Variants in LGR5 observed in about 807,000 individuals in gnomAD.
The protein encoded by LGR5 is leucine rich repeat containing G protein-coupled receptor 5.
LGR5 carries 54 observed loss-of-function variants against 76.7 expected under a neutral mutation model. The observed-to-expected ratio is 0.70, with a 90% confidence interval of 0.57 to 0.88. The LOEUF (loss-of-function observed/expected upper bound fraction) is 0.88. Ranked by LOEUF, LGR5 falls within the 40% of genes least tolerant of loss-of-function variation. The pLI, the probability that LGR5 is intolerant of heterozygous loss-of-function variation, is 0.00. For synonymous variants in LGR5, 406 were observed against 421.9 expected (o/e 0.96, Z 0.46); for missense variants, 1,078 against 1,073.3 (o/e 1.00, Z -0.06).
intron 1 of LGR5, among the ~76,000 whole-genome samples, chr12:71,482,756 C>T (rs1036209209): frequency 1.3e-5 from 2 of 152,184 alleles, no homozygotes; most frequent in Admixed American, 1.3e-4. Context: ...CTCAAAATAT[C>T]AATAGTGTCA....
rs1000200685 is a variant in LGR5, at chr12:71,440,275, C to T, written c.195C>T (p.Ser65=). Residue 65 remains serine, a synonymous_variant, in exon 1 of 18, where the codon AGC becomes AGT. Coordinates refer to ENST00000266674, the MANE Select transcript of LGR5 (RefSeq NM_003667.4). The surrounding 1 kb of genome is among the most constrained non-coding windows in gnomAD (Gnocchi z 5.3). ...TCTCGGAGCTGCCTTCCAACCTCAG[C>T]GTCTTCACCTCCTACCTGTAAGTAC... The part of the protein sequence containing the change: ...LGLSELPSNL[S]VFTSYLDLSM... 28 of 1,611,764 alleles carry T rather than the reference C, an allele frequency of 1.7e-5. No individual in the cohort carries two copies. Among genetic ancestry groups the T allele is most frequent in the Non-Finnish European group, 2.2e-5 (26 of 1,179,948 alleles).
At chr12:71,496,046 C>T (rs115835217) in intron 1 of LGR5, among the ~76,000 whole-genome samples, 3,474 of 152,200 alleles carry the variant, frequency 0.023, 134 homozygotes, top group African/African-American at 0.079. Flanking sequence ...CACGATGTGA[C>T]ATCACTGTAC....
chr12:71,561,261 A>G (rs896599385), intron 7 of LGR5, among the ~76,000 whole-genome samples: 6 of 152,324 alleles, frequency 3.9e-5, no homozygotes, highest in Admixed American at 3.3e-4. Context: ...TCAGCCATTC[A>G]GACAACATCA....
intron 5 of LGR5, among the ~76,000 whole-genome samples, chr12:71,553,522 A>T (rs1262665274): frequency 6.6e-6 from 1 of 152,194 alleles, no homozygotes; most frequent in East Asian, 1.9e-4. Flanking sequence ...ATAATGAAAT[A>T]TGACCTGTGC....
At chr12:71,518,985 T>G (rs1412739900) in intron 2 of LGR5, among the ~76,000 whole-genome samples, 2 of 152,122 alleles carry the variant, frequency 1.3e-5, no homozygotes, top group Non-Finnish European at 2.9e-5. Context: ...ACTTAAAAGT[T>G]AAATAAATAT....
At chr12:71,499,573 C>G (rs1874498925) in intron 1 of LGR5, among the ~76,000 whole-genome samples, 1 of 152,090 alleles carries the variant, frequency 6.6e-6, no homozygotes, top group Non-Finnish European at 1.5e-5. Context: ...CATTTCCTCC[C>G]AGAGGCAGGA....
chr12:71,488,069 G>A (rs1383947177), intron 1 of LGR5, among the ~76,000 whole-genome samples: 2 of 152,280 alleles, frequency 1.3e-5, no homozygotes, highest in East Asian at 3.9e-4. Context: ...AATATTAACT[G>A]TGTTTTTTCC....
intron 2 of LGR5, among the ~76,000 whole-genome samples, chr12:71,513,827 A>G (rs886149102): frequency 3.3e-5 from 5 of 152,230 alleles, no homozygotes; most frequent in Admixed American, 2.0e-4. Flanking sequence ...GTGACTAGCT[A>G]TCTTGGAATA....
chr12:71,537,894 A>C (rs1323689187), intron 4 of LGR5, among the ~76,000 whole-genome samples: 1 of 152,158 alleles, frequency 6.6e-6, no homozygotes, highest in Non-Finnish European at 1.5e-5. Flanking sequence ...GACTGGAGTC[A>C]ACCCTTAGAT....
At chr12:71,562,339 T>A (rs922067520) in intron 8 of LGR5, among the ~76,000 whole-genome samples, 5 of 152,208 alleles carry the variant, frequency 3.3e-5, no homozygotes, top group Admixed American at 2.6e-4. Flanking sequence ...ACATTCACAT[T>A]TATACAAACT....
Position 71,583,710 on chromosome 12 carries a change from T to C in LGR5, c.1700T>C (p.Ile567Thr). 3 of 1,614,192 alleles carry C rather than the reference T, an allele frequency of 1.9e-6. No homozygotes were observed. The highest frequency in any genetic ancestry group is 1.7e-6 in the Non-Finnish European group (2 of 1,180,012). Residue 567 changes from isoleucine to threonine, a missense_variant, in exon 18 of 18, where the codon ATA (isoleucine) becomes ACA (threonine). By Grantham distance (89) the Ile-to-Thr change is moderately conservative. Transcript: ENST00000266674. ...GWLIRIGVWTIAVLALTCNAL... is the reference protein window; with the variant it reads ...GWLIRIGVWTTAVLALTCNAL... ...CTGATCAGAATTGGAGTGTGGACCA[T>C]AGCAGTTCTGGCACTTACTTGTAAT...
At chr12:71,460,047 C>A (rs1389756314) in intron 1 of LGR5, among the ~76,000 whole-genome samples, 1 of 151,966 alleles carries the variant, frequency 6.6e-6, no homozygotes, top group Non-Finnish European at 1.5e-5. Flanking sequence ...AGAAGAAAAT[C>A]ATTCACTCCA....
chr12:71,535,111 A>G lies in LGR5; in HGVS notation c.357-4A>G, dbSNP rs1876519706. Reference sequence around the variant, plus strand: ...CATTTTTCTTTATTTCTTTTAACATACAGTATGCTGCAGAATAATCAGCTA... The same window carrying G: ...CATTTTTCTTTATTTCTTTTAACATGCAGTATGCTGCAGAATAATCAGCTA... On this transcript the variant is annotated splice_region_variant and splice_polypyrimidine_tract_variant and intron_variant, in intron 3 of 17. Transcript: ENST00000266674. The G allele has an allele frequency of 3.7e-6, 6 of 1,603,202 alleles. 1 individual carries two copies. In the African/African-American group the frequency reaches 5.4e-5, roughly 14 times the overall value.
intron 1 of LGR5, among the ~76,000 whole-genome samples, chr12:71,481,833 G>C (rs901563503): frequency 6.6e-6 from 1 of 151,980 alleles, no homozygotes; most frequent in African/African-American, 2.4e-5. Context: ...TGTTGCCTGG[G>C]GGGTATTTTC....
At chr12:71,527,972 A>T (rs1288440256) in intron 3 of LGR5, among the ~76,000 whole-genome samples, 1 of 152,226 alleles carries the variant, frequency 6.6e-6, no homozygotes, top group Non-Finnish European at 1.5e-5. Flanking sequence ...CATACCAACT[A>T]TAAATCAGTA....
In LGR5 at chr12:71,481,130, C is replaced by T. The variant is rs546495547; in HGVS notation, c.213-23484C>T. On this transcript the variant is annotated intron_variant, in intron 1 of 17. Coordinates refer to ENST00000266674, the MANE Select transcript of LGR5 (RefSeq NM_003667.4). ...TAAGTTCCAGGATACATGTGCAGAA[C>T]GTGCAGGTTACGTAGGTATACATGT... Among the ~76,000 whole-genome samples, 18 of 152,236 alleles carry T rather than the reference C, an allele frequency of 1.2e-4. No homozygotes were observed. The East Asian group carries it at 1.9e-3, about 16-fold the overall frequency.
intron 1 of LGR5, among the ~76,000 whole-genome samples, chr12:71,489,207 T>C (rs1382466239): frequency 6.6e-6 from 1 of 152,232 alleles, no homozygotes; most frequent in East Asian, 1.9e-4. Flanking sequence ...AGCCACACAA[T>C]GGTTATAAAA....
rs79836431 is a variant in LGR5 at position 71,440,043 on chromosome 12, C to T, written c.-38C>T. ...CCCGTAGCAGTCCGGTGCTGCTCTC[C>T]GCCCGCGTCCGGCTCGTGGCCCCCT... On this transcript the variant is annotated 5_prime_UTR_variant, in exon 1 of 18. Coordinates refer to ENST00000266674, the MANE Select transcript of LGR5 (RefSeq NM_003667.4). The surrounding 1 kb of genome is among the most constrained non-coding windows in gnomAD (Gnocchi z 5.3). The T allele has an allele frequency of 4.3e-3, 6,892 of 1,588,562 alleles. 280 individuals are homozygous for T. The African/African-American group carries it at 0.084, about 19-fold the overall frequency.
intron 1 of LGR5, among the ~76,000 whole-genome samples, chr12:71,480,856 C>T (rs780384844): frequency 4.6e-5 from 7 of 152,216 alleles, no homozygotes; most frequent in South Asian, 4.2e-4. Context: ...TACATTAGGG[C>T]GTTAAGGCCA....
Sources: gnomAD v4.1 joint callset for allele counts (sites outside exome capture counted in the v4.1 genomes callset) on GRCh38, gnomAD v4.1.1 for gene constraint, Gnocchi (gnomAD v3.1) non-coding constraint, MANE v1.5 for transcripts, NCBI Gene and HGNC (gene_info 2026-07-23, HGNC 2026-07-21) for gene names.